The following CCDC88A variants were observed in gnomAD, a reference collection of about 807,000 sequenced individuals.
CCDC88A encodes coiled-coil and HOOK domain protein 88A.
A neutral mutation model predicts 234.3 loss-of-function variants in CCDC88A; 54 were observed. The ratio of observed to expected loss-of-function variants is 0.23; its 90% CI spans 0.19 to 0.29. CCDC88A has a LOEUF of 0.29. Among genes scored for constraint, CCDC88A ranks in the 10% least tolerant of loss-of-function variants. The probability of loss-of-function intolerance (pLI) is 1.00; values close to 1 mark genes in which losing one functional copy is unlikely to be tolerated. For synonymous variants in CCDC88A, 753 were observed against 737.8 expected (o/e 1.02, Z -0.33); for missense variants, 1,832 against 2,123.4 (o/e 0.86, Z 2.70).
At chr2:55,342,545 A>G (rs1373443184) in intron 12 of CCDC88A, among the ~76,000 whole-genome samples, 2 of 152,220 alleles carry the variant, frequency 1.3e-5, no homozygotes, top group Admixed American at 1.3e-4. Context: ...CTTTAGTAGA[A>G]AACACTTAAG....
At chr2:55,349,733 AT>A (rs68048646) in intron 8 of CCDC88A, 134 bp from the exon 9 acceptor site, 212,697 of 498,124 alleles carry the variant, frequency 0.43, 46,932 homozygotes, top group East Asian at 0.77. Flanking sequence ...AATCTAGAAG[AT>A]AAAAAAAAAA....
intron 9 of CCDC88A, chr2:55,348,615 G>A (rs1314376098): frequency 6.6e-6 from 1 of 151,996 alleles, no homozygotes; most frequent in African/African-American, 2.4e-5. Flanking sequence ...TTTCTAATAT[G>A]GTAAATACCA....
chr2:55,363,998 T>C lies in CCDC88A; in HGVS notation c.438A>G (p.Gln146=). 1 of 1,593,724 alleles carries C rather than the reference T, an allele frequency of 6.3e-7. No individual in the cohort carries two copies. Reference sequence around the variant, plus strand: ...CTGCTTTTGTATCAAAATCTAAACCTTGAATTCTTTCAATAAATTCCTCTT... The same window carrying C: ...CTGCTTTTGTATCAAAATCTAAACCCTGAATTCTTTCAATAAATTCCTCTT... The part of the protein sequence containing the change: ...QKKEEFIERI[Q]GLDFDTKAAV... The change falls in exon 6 of 33, where the codon CAA becomes CAG. Residue 146 remains glutamine, a synonymous_variant. Coordinates refer to ENST00000436346, the MANE Select transcript of CCDC88A (RefSeq NM_001365480.1).
intron 5 of CCDC88A, among the ~76,000 whole-genome samples, chr2:55,367,528 G>GTTTTTTTTTTTCTTGTTT: frequency 1.0e-5 from 1 of 99,890 alleles, no homozygotes; most frequent in African/African-American, 4.3e-5. Context: ...TTATTTCCTT[G>GTTTTTTTTTTTCTTGTTT]TTTTTTTTTA....
chr2:55,317,539 A>C lies in CCDC88A; in HGVS notation c.3602+25T>G, dbSNP rs1683136614. 2 of 1,471,140 alleles carry C rather than the reference A, an allele frequency of 1.4e-6. No homozygotes were observed. The allele number at this position is 1,471,140 out of a possible 1,614,324, so 91.1% of individuals were successfully genotyped here. On this transcript the variant is annotated intron_variant, in intron 20 of 32. Coordinates refer to ENST00000436346, the MANE Select transcript of CCDC88A (RefSeq NM_001365480.1). This position sits in a 1 kb window ranked among gnomAD's most constrained non-coding sequence, Gnocchi z 4.2. ...TGAAGAAAATTCATTTTAAATTCAC[A>C]GTACAACAAAATATAATAAATTACC...
intron 7 of CCDC88A, among the ~76,000 whole-genome samples, chr2:55,360,079 T>A (rs1273850931): frequency 6.6e-6 from 1 of 152,132 alleles, no homozygotes; most frequent in Non-Finnish European, 1.5e-5. Context: ...TAAAACAGTA[T>A]GTGTTAAACT....
intron 25 of CCDC88A, among the ~76,000 whole-genome samples, chr2:55,307,572 C>G (rs908509114): frequency 6.6e-6 from 1 of 151,974 alleles, no homozygotes; most frequent in African/African-American, 2.4e-5. Flanking sequence ...TCAGGCTGGT[C>G]TCCAACTCCC....
chr2:55,308,499 G>A (rs905719019), intron 25 of CCDC88A: 13 of 261,780 alleles, frequency 5.0e-5, no homozygotes, highest in Non-Finnish European at 8.7e-5. Context: ...GTCCTGTGAA[G>A]TATGAAGCAA....
Position 55,366,534 on chromosome 2 carries a change from TACACAC to T in CCDC88A, c.403-2507_403-2502del, listed in dbSNP as rs201666406. Among the ~76,000 whole-genome samples, 537 of 127,730 alleles carry T rather than the reference TACACAC, an allele frequency of 4.2e-3. 4 individuals are homozygous for T. The highest frequency in any genetic ancestry group is 8.8e-3 in the African/African-American group (317 of 35,866). 83.8% of individuals were successfully genotyped at this position (127,730 alleles called of 152,430 possible). On this transcript the variant is annotated intron_variant, in intron 5 of 32. Transcript: ENST00000436346. ...AGAGCAAGACTCTGTCACACACACA[TACACAC>T]ACACACACACACACACACACACACA...
intron 29 of CCDC88A, chr2:55,297,315 A>AAT (rs1165791481): frequency 9.3e-5 from 3 of 32,432 alleles, no homozygotes; most frequent in South Asian, 6.3e-4. Context: ...ATTATATATA[A>AAT]ATATATAATA....
rs1679904348 is a variant in CCDC88A, at chr2:55,408,084, T to TA, written c.164+10731dup. Among the ~76,000 whole-genome samples, 4 of 152,002 alleles carry TA rather than the reference T, an allele frequency of 2.6e-5. No individual in the cohort carries two copies. The South Asian group carries it at 8.3e-4, about 32-fold the overall frequency. On this transcript the variant is annotated intron_variant, in intron 2 of 32. Transcript: ENST00000436346. ...TTAAATCAAGAGATCATAGTTTCAT[T>TA]AAAAAAATAAGGAAGAAAGTTCCTT... is the stretch of plus-strand genomic sequence containing the variant.
rs1558791979 is a variant in CCDC88A, at chr2:55,385,852, C to CTCA, written c.273+2925_273+2926insTGA. ...TAGGTAACAGAGTGAAACTCCATGT[C>CTCA]AAAAAAAAAAAAAAAAAAAAAAAAA... On this transcript the variant is annotated intron_variant, in intron 3 of 32. Transcript: ENST00000436346. 6.4e-5 allele frequency among the ~76,000 whole-genome samples: 4 copies of CTCA among 62,462 alleles called. 1 individual carries two copies. The highest frequency in any genetic ancestry group is 6.6e-5 in the African/African-American group (1 of 15,078). The allele number at this position is 62,462 out of a possible 152,430, so 41.0% of individuals were successfully genotyped here.
intron 3 of CCDC88A, among the ~76,000 whole-genome samples, chr2:55,386,112 A>G (rs943558216): frequency 2.6e-5 from 4 of 151,814 alleles, no homozygotes; most frequent in Non-Finnish European, 5.9e-5. Flanking sequence ...AATTCCAGCT[A>G]CTCAGGAGGC....
At chr2:55,389,949 G>A (rs1324196163) in intron 2 of CCDC88A, among the ~76,000 whole-genome samples, 1 of 146,754 alleles carries the variant, frequency 6.8e-6, no homozygotes. Context: ...GCTGAGGCAG[G>A]AGAATCACTT....
intron 10 of CCDC88A, among the ~76,000 whole-genome samples, chr2:55,344,757 T>G (rs560680197): frequency 3.3e-5 from 5 of 152,304 alleles, no homozygotes; most frequent in African/African-American, 9.6e-5. Context: ...TCGGGGTATA[T>G]TTAACTTCCT....
intron 2 of CCDC88A, among the ~76,000 whole-genome samples, chr2:55,409,873 T>A (rs75075771): frequency 0.035 from 5,234 of 151,322 alleles, 271 homozygotes; most frequent in African/African-American, 0.12. Flanking sequence ...CCCGAGTAGC[T>A]GGGATTACAG....
intron 10 of CCDC88A, among the ~76,000 whole-genome samples, chr2:55,345,016 G>C (rs1392436872): frequency 6.6e-6 from 1 of 152,076 alleles, no homozygotes; most frequent in African/African-American, 2.4e-5. Flanking sequence ...ACACCTTGAG[G>C]AAATCCTTAA....
chr2:55,399,586 C>T (rs1221879800), intron 2 of CCDC88A: 9 of 150,058 alleles, frequency 6.0e-5, no homozygotes, highest in African/African-American at 2.0e-4. Flanking sequence ...AGGAGAAATA[C>T]AGCAGAGAAT....
intron 12 of CCDC88A, among the ~76,000 whole-genome samples, chr2:55,340,586 T>C (rs1300297505): frequency 2.6e-5 from 4 of 152,226 alleles, no homozygotes; most frequent in African/African-American, 9.6e-5. Flanking sequence ...AAAGATTATT[T>C]AAATTTAACT....
Sources: allele counts gnomAD v4.1 joint callset (sites outside exome capture counted in the v4.1 genomes callset), GRCh38; gene constraint gnomAD v4.1.1; non-coding constraint Gnocchi (gnomAD v3.1); transcripts MANE v1.5; gene names NCBI Gene and HGNC (gene_info 2026-07-23, HGNC 2026-07-21).